SNX29: variants seen among roughly 807,000 people sequenced by gnomAD.
SNX29 encodes the protein sorting nexin-29.
Under a neutral mutation model 102.1 loss-of-function variants are expected in SNX29, and 78 were observed. The ratio of observed to expected loss-of-function variants is 0.76; its 90% CI spans 0.64 to 0.92. The LOEUF is 0.92. Among genes scored for constraint, SNX29 ranks in the 40% least tolerant of loss-of-function variants. The probability of loss-of-function intolerance (pLI) is 0.00; values close to 1 mark genes in which losing one functional copy is unlikely to be tolerated. For synonymous variants in SNX29, 580 were observed against 414.5 expected (o/e 1.40, Z -4.85); for missense variants, 1,280 against 1,061.7 (o/e 1.21, Z -2.86).
chr16:12,337,309 T>C (rs1017871735), intron 15 of SNX29, among the ~76,000 whole-genome samples: 10 of 152,016 alleles, frequency 6.6e-5, no homozygotes, highest in African/African-American at 2.2e-4. Context: ...CGGGAAATTA[T>C]GTGGATTTAA....
intron 20 of SNX29, among the ~76,000 whole-genome samples, chr16:12,555,865 T>G (rs1024296427): frequency 2.0e-5 from 3 of 152,168 alleles, no homozygotes; most frequent in African/African-American, 7.2e-5. Context: ...CATCATTTTC[T>G]CCAGAGGCCG....
intron 13 of SNX29, among the ~76,000 whole-genome samples, chr16:12,174,992 C>G (rs1269058849): frequency 1.3e-5 from 2 of 151,980 alleles, no homozygotes; most frequent in African/African-American, 4.8e-5. Flanking sequence ...AGCTTAGTGT[C>G]CTCTCCTGAG....
rs576151672 is a variant in SNX29 at position 12,574,066 on chromosome 16, G to T, written c.*5437G>T. The T allele has an allele frequency of 7.3e-5, 14 of 192,348 alleles. No individual in the cohort carries two copies. In the East Asian group the frequency reaches 1.1e-3, roughly 15 times the overall value. The allele number at this position is 192,348 out of a possible 1,614,324, so 11.9% of individuals were successfully genotyped here. Reference sequence around the variant, plus strand: ...GTCTGTGTGTACATAAGGTCTAGAAGTCTGTGGAAACGCCCTGAAACCTGT... The same window carrying T: ...GTCTGTGTGTACATAAGGTCTAGAATTCTGTGGAAACGCCCTGAAACCTGT... On this transcript the variant is annotated 3_prime_UTR_variant, in exon 21 of 21. Transcript: ENST00000566228.
chr16:12,441,682 C>G (rs191834065), intron 18 of SNX29, among the ~76,000 whole-genome samples: 175 of 152,300 alleles, frequency 1.1e-3, no homozygotes, highest in African/African-American at 4.0e-3. Flanking sequence ...GATATCATGT[C>G]TAAGAATCCT....
chr16:12,330,817 A>T (rs1189818773), intron 15 of SNX29, among the ~76,000 whole-genome samples: 2 of 148,956 alleles, frequency 1.3e-5, no homozygotes. Context: ...GGTCTGGCGG[A>T]TGGAGGAGTT....
At chr16:12,537,000 G>GTT (rs2077106851) in intron 20 of SNX29, among the ~76,000 whole-genome samples, 1 of 152,070 alleles carries the variant, frequency 6.6e-6, no homozygotes, top group African/African-American at 2.4e-5. Context: ...AATAAAAAGA[G>GTT]TTGTTCAGGG....
At chr16:12,534,254 C>T (rs2077009386) in intron 20 of SNX29, among the ~76,000 whole-genome samples, 1 of 152,220 alleles carries the variant, frequency 6.6e-6, no homozygotes, top group Non-Finnish European at 1.5e-5. Flanking sequence ...CTGCTCAGTG[C>T]CCAAGCACCG....
chr16:12,539,709 ATTC>A (rs1395972254), intron 20 of SNX29, among the ~76,000 whole-genome samples: 2 of 152,192 alleles, frequency 1.3e-5, no homozygotes, highest in African/African-American at 4.8e-5. Flanking sequence ...TACTGTCATG[ATTC>A]TTTACTGTGG....
intron 15 of SNX29, among the ~76,000 whole-genome samples, chr16:12,307,947 G>A (rs546570380): frequency 6.6e-6 from 1 of 152,302 alleles, no homozygotes; most frequent in African/African-American, 2.4e-5. Flanking sequence ...GTCTGTTTGA[G>A]TTGTCTTCAG....
At chr16:12,492,076 C>G (rs1206429444) in intron 19 of SNX29, among the ~76,000 whole-genome samples, 1 of 152,192 alleles carries the variant, frequency 6.6e-6, no homozygotes, top group African/African-American at 2.4e-5. Flanking sequence ...GATGGTATTT[C>G]CAGTTCTAGA....
chr16:12,552,023 GC>G, intron 20 of SNX29, among the ~76,000 whole-genome samples: 1 of 152,260 alleles, frequency 6.6e-6, no homozygotes, highest in South Asian at 2.1e-4. Context: ...AAAAAACGTG[GC>G]AAGTCCAGGC....
intron 14 of SNX29, among the ~76,000 whole-genome samples, chr16:12,271,258 T>C (rs1033122942): frequency 5.9e-5 from 9 of 152,236 alleles, no homozygotes; most frequent in African/African-American, 1.9e-4. Context: ...ATGGTGTCAG[T>C]TGGAGGCTGC....
chr16:12,562,045 C>T lies in SNX29; in HGVS notation c.2319-6461C>T, dbSNP rs117051772. Among the ~76,000 whole-genome samples the T allele has an allele frequency of 5.9e-3, 887 of 151,252 alleles. 5 individuals are homozygous for T. Among genetic ancestry groups the T allele is most frequent in the Non-Finnish European group, 0.01 (689 of 67,506 alleles). On this transcript the variant is annotated intron_variant, in intron 20 of 20. Coordinates refer to ENST00000566228, the MANE Select transcript of SNX29 (RefSeq NM_032167.5). ...CCCCTCATGGATTTAGGGATGGAAT[C>T]ATCTGTGCCGTTTTCCTTCCCGTGT...
chr16:12,399,903 C>CT (rs1390503990), intron 17 of SNX29, among the ~76,000 whole-genome samples: 1 of 152,060 alleles, frequency 6.6e-6, no homozygotes, highest in African/African-American at 2.4e-5. Flanking sequence ...TGGGAAGAAA[C>CT]TGGGAAGACA....
chr16:12,559,309 A>G (rs1598041939), intron 20 of SNX29, among the ~76,000 whole-genome samples: 1 of 151,756 alleles, frequency 6.6e-6, no homozygotes, highest in African/African-American at 2.4e-5. Flanking sequence ...TGCAAACCCT[A>G]TTGTGAACTG....
intron 18 of SNX29, among the ~76,000 whole-genome samples, chr16:12,444,629 T>G (rs2085962366): frequency 6.6e-6 from 1 of 152,170 alleles, no homozygotes; most frequent in African/African-American, 2.4e-5. Context: ...CTGAGTCATT[T>G]TCCTGGACTT....
chr16:12,220,514 G>C (rs149804083), intron 14 of SNX29, among the ~76,000 whole-genome samples: 1 of 152,102 alleles, frequency 6.6e-6, no homozygotes, highest in African/African-American at 2.4e-5. Context: ...AGGCTAGGGG[G>C]ACCTGGTGAA....
intron 19 of SNX29, chr16:12,515,511 G>C: frequency 2.0e-6 from 1 of 488,748 alleles, no homozygotes; most frequent in South Asian, 1.5e-5. Context: ...CTCCCCAGCC[G>C]CCACCATCTC....
chr16:12,474,841 G>A (rs755020180), intron 18 of SNX29, among the ~76,000 whole-genome samples: 1 of 152,232 alleles, frequency 6.6e-6, no homozygotes, highest in African/African-American at 2.4e-5. Flanking sequence ...GCTAGGGCCT[G>A]TAAAAGGCTG....
Sources: gnomAD v4.1 joint callset for allele counts (sites outside exome capture counted in the v4.1 genomes callset) on GRCh38, gnomAD v4.1.1 for gene constraint, MANE v1.5 for transcripts, NCBI Gene and HGNC (gene_info 2026-07-23, HGNC 2026-07-21) for gene names.